Variants in SLC35F3 observed in about 807,000 individuals in gnomAD.
SLC35F3 encodes solute carrier family 35 member F3.
Under a neutral mutation model 49.9 loss-of-function variants are expected in SLC35F3, and 25 were observed. The observed-to-expected ratio is 0.50, with a 90% CI of 0.37 to 0.70. The LOEUF is 0.70. Ranked by LOEUF, SLC35F3 falls within the 30% of genes least tolerant of loss-of-function variation. The probability of loss-of-function intolerance (pLI) is 0.00; values close to 1 mark genes in which losing one functional copy is unlikely to be tolerated. For missense variants in SLC35F3, 525 were observed against 639.8 expected (o/e 0.82, Z 1.94); for synonymous variants, 275 against 265.4 (o/e 1.04, Z -0.35).
chr1:233,947,674 T>C (rs1662534479), intron 2 of SLC35F3, among the ~76,000 whole-genome samples: 1 of 149,160 alleles, frequency 6.7e-6, no homozygotes, highest in African/African-American at 2.5e-5. Flanking sequence ...GCACCTCATA[T>C]GGGAACCAGG....
At chr1:233,990,696 A>T (rs534865342) in intron 2 of SLC35F3, among the ~76,000 whole-genome samples, 17 of 152,208 alleles carry the variant, frequency 1.1e-4, no homozygotes, top group Non-Finnish European at 1.0e-4. Flanking sequence ...TCATTTTACA[A>T]TGTGTGCACA....
At chr1:234,292,530 A>G (rs1403565109) in intron 3 of SLC35F3, among the ~76,000 whole-genome samples, 1 of 152,242 alleles carries the variant, frequency 6.6e-6, no homozygotes, top group Non-Finnish European at 1.5e-5. Context: ...TTACCAAGAA[A>G]TGACTAAAAC....
At chr1:233,905,839 A>T in intron 2 of SLC35F3, 81 bp downstream of exon 2, 1 of 1,333,534 alleles carries the variant, frequency 7.5e-7, no homozygotes, top group Non-Finnish European at 1.0e-6. Flanking sequence ...GAGCGCACGC[A>T]GTGAGGCGTC....
chr1:233,977,552 A>G (rs553153513), intron 2 of SLC35F3, among the ~76,000 whole-genome samples: 2 of 152,282 alleles, frequency 1.3e-5, no homozygotes, highest in East Asian at 1.9e-4. Flanking sequence ...CAGGATTGCA[A>G]TCATGAAGTA....
Position 234,194,860 on chromosome 1 carries a change from G to A in SLC35F3, c.284-36557G>A, listed in dbSNP as rs558301063. ...TTTTTAACCCATGTTCCTGTTTCCT[G>A]TCCTGTTAGCCCACACTGCACCCAG... is the stretch of plus-strand genomic sequence containing the variant. On this transcript the variant is annotated intron_variant, in intron 2 of 7. Coordinates refer to ENST00000366618, the MANE Select transcript of SLC35F3 (RefSeq NM_173508.4). Among the ~76,000 whole-genome samples the A allele has an allele frequency of 8.0e-5, 12 of 150,794 alleles. No individual in the cohort carries two copies. The South Asian group carries it at 2.3e-3, about 29-fold the overall frequency.
chr1:234,039,298 T>G (rs544751416), intron 2 of SLC35F3, among the ~76,000 whole-genome samples: 17 of 152,306 alleles, frequency 1.1e-4, no homozygotes, highest in Non-Finnish European at 2.4e-4. Flanking sequence ...AGTCAAGGAA[T>G]GAAACCATTC....
At chr1:234,254,001 G>A (rs1480872694) in intron 3 of SLC35F3, among the ~76,000 whole-genome samples, 1 of 152,200 alleles carries the variant, frequency 6.6e-6, no homozygotes, top group Non-Finnish European at 1.5e-5. Context: ...AGTCCTGCTT[G>A]TACTTGGGAC....
rs1233338407 is a variant in SLC35F3, at chr1:234,214,289, G to T, written c.284-17128G>T. The T allele has an allele frequency of 7.8e-6, 10 of 1,281,770 alleles. No individual in the cohort carries two copies. The highest frequency in any genetic ancestry group is 1.6e-5 in the African/African-American group (1 of 63,930). The allele number at this position is 1,281,770 out of a possible 1,614,324, so 79.4% of individuals were successfully genotyped here. A position where few individuals can be genotyped will look rare whatever the true frequency, so the allele number is the denominator to read the frequency against. ...GTGGAGTGGCTGCGCGGCCGGGGAG[G>T]ATGTGCGCTGCAGGGCGGCCGCCGC... is the stretch of plus-strand genomic sequence containing the variant. On this transcript the variant is annotated intron_variant, in intron 2 of 7. Coordinates refer to ENST00000366618, the MANE Select transcript of SLC35F3 (RefSeq NM_173508.4). The surrounding 1 kb of genome is among the most constrained non-coding windows in gnomAD (Gnocchi z 8.0).
chr1:234,205,909 G>A (rs1666962710), intron 2 of SLC35F3, among the ~76,000 whole-genome samples: 1 of 152,172 alleles, frequency 6.6e-6, no homozygotes, highest in Non-Finnish European at 1.5e-5. Flanking sequence ...GGGGTGCAGG[G>A]GGTGGTGGGT....
intron 2 of SLC35F3, among the ~76,000 whole-genome samples, chr1:234,160,339 AAGACCCAGGC>A (rs751643446): frequency 4.7e-4 from 72 of 152,296 alleles, no homozygotes; most frequent in Non-Finnish European, 8.4e-4. Context: ...AAAGTTAGAG[AAGACCCAGGC>A]AGCACAACAG....
intron 2 of SLC35F3, among the ~76,000 whole-genome samples, chr1:234,065,022 C>CATG (rs1664597284): frequency 6.6e-6 from 1 of 152,114 alleles, no homozygotes; most frequent in Admixed American, 6.5e-5. Context: ...AAACATGGAG[C>CATG]ATGACTATGA....
chr1:233,930,833 T>C lies in SLC35F3; in HGVS notation c.283+25075T>C, dbSNP rs572265218. On this transcript the variant is annotated intron_variant, in intron 2 of 7. Coordinates refer to ENST00000366618, the MANE Select transcript of SLC35F3 (RefSeq NM_173508.4). ...TTACTATTCATTAAATGGAAGTGGA[T>C]CATCATAAAATTCTTCATCCTTGTC... 3.3e-5 allele frequency among the ~76,000 whole-genome samples: 5 copies of C among 152,258 alleles called. No homozygotes were observed. In the East Asian group the frequency reaches 9.7e-4, roughly 29 times the overall value.
At chr1:233,976,339 C>CT (rs1326537442) in intron 2 of SLC35F3, among the ~76,000 whole-genome samples, 1 of 152,076 alleles carries the variant, frequency 6.6e-6, no homozygotes, top group Non-Finnish European at 1.5e-5. Context: ...TTTCATTTTT[C>CT]TTTTTTTATC....
rs191373038 is a variant in SLC35F3 at position 234,211,900 on chromosome 1, C to T, written c.284-19517C>T. ...GAATGATATGGTTTGGCAGTGTCCC[C>T]ACCCAAATCTCATCTTGAATTCCCA... On this transcript the variant is annotated intron_variant, in intron 2 of 7. Transcript: ENST00000366618. Among the ~76,000 whole-genome samples the T allele has an allele frequency of 4.1e-3, 619 of 152,316 alleles. 2 individuals are homozygous for T. Among genetic ancestry groups the T allele is most frequent in the Non-Finnish European group, 5.6e-3 (383 of 68,024 alleles).
intron 2 of SLC35F3, among the ~76,000 whole-genome samples, chr1:234,161,049 T>G (rs1666220197): frequency 6.6e-6 from 1 of 152,170 alleles, no homozygotes; most frequent in Non-Finnish European, 1.5e-5. Flanking sequence ...TGGCCCAGGC[T>G]CCAGACACTG....
chr1:234,251,298 T>A (rs1373924456), intron 3 of SLC35F3, among the ~76,000 whole-genome samples: 1 of 152,120 alleles, frequency 6.6e-6, no homozygotes, highest in Non-Finnish European at 1.5e-5. Flanking sequence ...AAAGTAACCA[T>A]GGCATCCTAA....
At chr1:234,176,988 C>T (rs1461037967) in intron 2 of SLC35F3, among the ~76,000 whole-genome samples, 1 of 152,188 alleles carries the variant, frequency 6.6e-6, no homozygotes, top group African/African-American at 2.4e-5. Flanking sequence ...TATGGTTTGG[C>T]TGTGTCGCCA....
intron 2 of SLC35F3, among the ~76,000 whole-genome samples, chr1:234,139,351 A>G (rs1251609663): frequency 6.6e-6 from 1 of 152,182 alleles, no homozygotes; most frequent in Non-Finnish European, 1.5e-5. Flanking sequence ...TAGGTGTAGA[A>G]GGCTCAAATG....
At chr1:233,936,372 T>C (rs1662327609) in intron 2 of SLC35F3, among the ~76,000 whole-genome samples, 1 of 152,222 alleles carries the variant, frequency 6.6e-6, no homozygotes, top group African/African-American at 2.4e-5. Flanking sequence ...GATACTATCC[T>C]GTCTGTATCA....
Sources: allele counts gnomAD v4.1 joint callset (sites outside exome capture counted in the v4.1 genomes callset), GRCh38; gene constraint gnomAD v4.1.1; non-coding constraint Gnocchi (gnomAD v3.1); transcripts MANE v1.5; gene names NCBI Gene and HGNC (gene_info 2026-07-23, HGNC 2026-07-21).